ELP2: variants seen among roughly 807,000 people sequenced by gnomAD.
ELP2 encodes the protein elongator complex protein 2.
Under a neutral mutation model 119.2 loss-of-function variants are expected in ELP2, and 90 were observed. The observed-to-expected ratio is 0.75, with a 90% CI of 0.64 to 0.90. The LOEUF (loss-of-function observed/expected upper bound fraction) is 0.90, where lower values mean the gene tolerates loss of function less well. Ranked by LOEUF, ELP2 falls within the 40% of genes least tolerant of loss-of-function variation. The pLI, the probability that ELP2 is intolerant of heterozygous loss-of-function variation, is 0.00. For synonymous variants in ELP2, 339 were observed against 331.0 expected (o/e 1.02, Z -0.26); for missense variants, 921 against 967.8 (o/e 0.95, Z 0.64).
intron 8 of ELP2, 49 bp from the exon 9 acceptor site, chr18:36,144,889 CT>C (rs768290818): frequency 4.8e-6 from 7 of 1,465,446 alleles, no homozygotes; most frequent in South Asian, 4.5e-5. Flanking sequence ...TGGAAATATT[CT>C]TTTTAGAAGA....
intron 19 of ELP2, 59 bp from the exon 20 acceptor site, chr18:36,170,004 T>C: frequency 6.2e-7 from 1 of 1,611,036 alleles, no homozygotes; most frequent in Non-Finnish European, 8.5e-7. Context: ...GAAACTGTAG[T>C]ACATGGCTAG....
At chr18:36,168,495 AAC>A (rs2090970860) in intron 19 of ELP2, among the ~76,000 whole-genome samples, 1 of 152,198 alleles carries the variant, frequency 6.6e-6, no homozygotes, top group Non-Finnish European at 1.5e-5. Flanking sequence ...AGGTGAAACA[AAC>A]ACATCCTTCT....
At position 36,174,550 on chromosome 18, in the gene ELP2, A is replaced by G. The variant is rs765960407; in HGVS notation, c.2390A>G (p.Lys797Arg). 1 of 1,614,220 alleles carries G rather than the reference A, an allele frequency of 6.2e-7. No individual in the cohort carries two copies. The highest frequency in any genetic ancestry group is 1.7e-5 in the Admixed American group (1 of 60,028). ...WKNCSGKTEQ[K>R]EAEGAEWLHF... Reference sequence around the variant, plus strand: ...AATTGCAGTGGAAAAACTGAACAGAAGGAAGCAGAAGGTGCTGAGTGGTTA... The same window carrying G: ...AATTGCAGTGGAAAAACTGAACAGAGGGAAGCAGAAGGTGCTGAGTGGTTA... Residue 797 changes from lysine to arginine, a missense_variant, in exon 22 of 22, where the codon AAG (lysine) becomes AGG (arginine). By Grantham distance (26) the Lys-to-Arg change is conservative (BLOSUM62 2). Coordinates refer to ENST00000358232, the MANE Select transcript of ELP2 (RefSeq NM_018255.4).
intron 8 of ELP2, among the ~76,000 whole-genome samples, chr18:36,144,612 A>C (rs1223167748): frequency 1.3e-5 from 2 of 152,236 alleles, no homozygotes; most frequent in African/African-American, 4.8e-5. Context: ...GATAATAAAG[A>C]GGCTGGCATG....
chr18:36,142,721 T>G (rs944144173), intron 7 of ELP2, 105 bp from the exon 8 acceptor site: 1 of 780,144 alleles, frequency 1.3e-6, no homozygotes, highest in African/African-American at 1.8e-5. Context: ...AGTATTGTTT[T>G]TTTTCTGGAA....
Position 36,149,024 on chromosome 18 carries a change from A to G in ELP2, c.1125+2643A>G, listed in dbSNP as rs548816895. Among the ~76,000 whole-genome samples, 28 of 152,360 alleles carry G rather than the reference A, an allele frequency of 1.8e-4. No individual in the cohort carries two copies. The South Asian group carries it at 5.2e-3, about 28-fold the overall frequency. The stretch of plus-strand genomic sequence containing the variant: ...GGAGTAGCCTCAGTCAATATTATAT[A>G]CAACTTCACTTTTTCAGGCATCTGG... On this transcript the variant is annotated intron_variant, in intron 11 of 21. Coordinates refer to ENST00000358232, the MANE Select transcript of ELP2 (RefSeq NM_018255.4).
chr18:36,138,629 A>G, intron 4 of ELP2, 166 bp from the exon 5 acceptor site: 2 of 867,436 alleles, frequency 2.3e-6, no homozygotes, highest in Non-Finnish European at 3.7e-6. Flanking sequence ...TGTCTGTAAC[A>G]TCATTAAAAT....
At chr18:36,164,736 C>T in intron 18 of ELP2, 69 bp downstream of exon 18, 4 of 1,467,588 alleles carry the variant, frequency 2.7e-6, no homozygotes, top group South Asian at 1.2e-5. Context: ...CATTAAGCAG[C>T]TTTAGTTAAG....
intron 3 of ELP2, among the ~76,000 whole-genome samples, chr18:36,137,935 G>A (rs563015507): frequency 6.6e-6 from 1 of 152,148 alleles, no homozygotes; most frequent in Non-Finnish European, 1.5e-5. Flanking sequence ...GATGGGATGT[G>A]CTTATGTAGT....
At chr18:36,135,025 A>C (rs1455578004) in intron 2 of ELP2, among the ~76,000 whole-genome samples, 1 of 152,226 alleles carries the variant, frequency 6.6e-6, no homozygotes, top group Non-Finnish European at 1.5e-5. Context: ...ATGTTAGGTC[A>C]ATAAAAATCA....
rs779050987 is a variant in ELP2, at chr18:36,138,924, CATATG to C, written c.523+55_523+59del. ...AAAGGGCAGTATATTTGCATACTGTCATATGATTAGAACCTAAAAGAAATGTATTG... is the reference window on the plus strand; with the variant it reads ...AAAGGGCAGTATATTTGCATACTGTCATTAGAACCTAAAAGAAATGTATTG... On this transcript the variant is annotated intron_variant, in intron 5 of 21. Transcript: ENST00000358232. 7 of 1,333,726 alleles carry C rather than the reference CATATG, an allele frequency of 5.2e-6. No homozygotes were observed. In the Admixed American group the frequency reaches 1.2e-4, roughly 22 times the overall value. The allele number at this position is 1,333,726 out of a possible 1,614,324, so 82.6% of individuals were successfully genotyped here.
intron 21 of ELP2, among the ~76,000 whole-genome samples, chr18:36,172,526 G>A (rs1345041419): frequency 6.6e-6 from 1 of 152,186 alleles, no homozygotes; most frequent in Non-Finnish European, 1.5e-5. Context: ...ATGAGATATT[G>A]CCATGCCCCC....
intron 6 of ELP2, 80 bp from the exon 7 acceptor site, chr18:36,142,201 G>C (rs1598753358): frequency 1.8e-6 from 2 of 1,142,794 alleles, no homozygotes; most frequent in East Asian, 4.7e-5. Context: ...CAGTAGGACT[G>C]TCTGAGACCA....
intron 17 of ELP2, among the ~76,000 whole-genome samples, chr18:36,164,012 A>T (rs1266613421): frequency 6.6e-6 from 1 of 152,182 alleles, no homozygotes; most frequent in East Asian, 1.9e-4. Context: ...AATTTTAACA[A>T]TATTGAGTAT....
At chr18:36,133,490 C>T (rs1037579111) in intron 2 of ELP2, among the ~76,000 whole-genome samples, 174 bp downstream of exon 2, 3 of 152,248 alleles carry the variant, frequency 2.0e-5, no homozygotes, top group East Asian at 1.9e-4. Flanking sequence ...ATTTTTACTT[C>T]GTAGCAGTTG....
At position 36,137,017 on chromosome 18, in the gene ELP2, TAA is replaced by T. The variant is rs34231589; in HGVS notation, c.288+650_288+651del. 6.1e-4 allele frequency among the ~76,000 whole-genome samples: 92 copies of T among 150,890 alleles called. No homozygotes were observed. The South Asian group carries it at 0.01, about 17-fold the overall frequency. On this transcript the variant is annotated intron_variant, in intron 3 of 21. Coordinates refer to ENST00000358232, the MANE Select transcript of ELP2 (RefSeq NM_018255.4). The stretch of plus-strand genomic sequence containing the variant: ...TTTCAGGGGGTAATGACAGACTTGT[TAA>T]AAAAAAAAAGGTTATAAATACAAAA...
At chr18:36,147,346 G>A (rs1466146210) in intron 11 of ELP2, among the ~76,000 whole-genome samples, 3 of 151,966 alleles carry the variant, frequency 2.0e-5, no homozygotes, top group African/African-American at 7.3e-5. Context: ...CAAAGTGCTG[G>A]GATTACAGGT....
At chr18:36,150,575 C>T (rs1329740650) in intron 11 of ELP2, among the ~76,000 whole-genome samples, 1 of 152,192 alleles carries the variant, frequency 6.6e-6, no homozygotes, top group Admixed American at 6.5e-5. Context: ...TTGCTGGGAG[C>T]TACTCAGAAG....
Position 36,159,819 on chromosome 18 carries a change from C to T in ELP2, c.1619C>T (p.Ser540Phe), listed in dbSNP as rs754785178. The change falls in exon 15 of 22, where the codon TCC becomes TTC. Residue 540 changes from serine (S) to phenylalanine (F), a missense_variant. Coordinates refer to ENST00000358232, the MANE Select transcript of ELP2 (RefSeq NM_018255.4). ...TATCAGCAGGTGGCCTTTCAGCCCT[C>T]CATACTTACTGGTAAGATGTGACAA... ...FEYQQVAFQP[S>F]ILTEPPTEDH... The T allele has an allele frequency of 6.2e-7, 1 of 1,613,630 alleles. No homozygotes were observed. Among genetic ancestry groups the T allele is most frequent in the Admixed American group, 1.7e-5 (1 of 59,992 alleles).
Sources: gnomAD v4.1 joint callset for allele counts (sites outside exome capture counted in the v4.1 genomes callset) on GRCh38, gnomAD v4.1.1 for gene constraint, MANE v1.5 for transcripts, NCBI Gene and HGNC (gene_info 2026-07-23, HGNC 2026-07-21) for gene names.